Variants in KIAA1549L observed in about 807,000 individuals in gnomAD.
KIAA1549L encodes KIAA1549 like.
Under a neutral mutation model 160.7 loss-of-function variants are expected in KIAA1549L, and 88 were observed. That is an observed-to-expected ratio of 0.55 (90% CI 0.46 to 0.65). The LOEUF is 0.65. Ranked by LOEUF, KIAA1549L falls within the 30% of genes least tolerant of loss-of-function variation. KIAA1549L has a pLI of 0.00. For missense variants in KIAA1549L, 2,258 were observed against 2,437.5 expected (o/e 0.93, Z 1.55); for synonymous variants, 950 against 976.7 (o/e 0.97, Z 0.51).
chr11:33,527,189 G>A (rs189360277), intron 1 of KIAA1549L, among the ~76,000 whole-genome samples: 272 of 152,244 alleles, frequency 1.8e-3, no homozygotes, highest in Middle Eastern at 3.4e-3. Flanking sequence ...AAAATAATTC[G>A]TGTTCCCAAG....
chr11:33,444,914 C>T (rs1054150491), intron 1 of KIAA1549L, among the ~76,000 whole-genome samples: 3 of 152,206 alleles, frequency 2.0e-5, no homozygotes, highest in African/African-American at 7.2e-5. Flanking sequence ...GTACTCTCTT[C>T]TGCTCCTCTC....
chr11:33,583,303 C>G (rs1855702480), intron 10 of KIAA1549L, 35 bp from the exon 11 acceptor site: 1 of 1,567,696 alleles, frequency 6.4e-7, no homozygotes, highest in Non-Finnish European at 8.6e-7. Flanking sequence ...CCCAGTGTTG[C>G]TTGTCATGTC....
intron 19 of KIAA1549L, among the ~76,000 whole-genome samples, chr11:33,660,064 G>A (rs1484013714): frequency 6.6e-6 from 1 of 152,232 alleles, no homozygotes. Context: ...TCCCTCTTTA[G>A]GGGATGAGAA....
At position 33,673,002 on chromosome 11, in the gene KIAA1549L, A is replaced by C. The variant is rs919941114; in HGVS notation, c.*4848A>C. On this transcript the variant is annotated 3_prime_UTR_variant, in exon 21 of 21. Transcript: ENST00000658780. ...TTATTTTTTGGCTGTGACCTTCTGA[A>C]TATAATAACTTAGTGTCCTGAGAAT... The C allele has an allele frequency of 6.6e-6, 1 of 152,568 alleles. No homozygotes were observed. Among genetic ancestry groups the C allele is most frequent in the Admixed American group, 6.5e-5 (1 of 15,286 alleles). The allele number at this position is 152,568 out of a possible 1,614,324, so 9.5% of individuals were successfully genotyped here.
chr11:33,638,062 A>G (rs1851482286), intron 16 of KIAA1549L, among the ~76,000 whole-genome samples: 2 of 152,216 alleles, frequency 1.3e-5, no homozygotes, highest in South Asian at 4.1e-4. Context: ...TTCCCTGACC[A>G]TCCCCATCAA....
intron 16 of KIAA1549L, among the ~76,000 whole-genome samples, chr11:33,641,592 A>G (rs1433080188): frequency 6.5e-4 from 7 of 10,702 alleles, no homozygotes; most frequent in East Asian, 0.028. Flanking sequence ...ATATATATAT[A>G]TATATATATA....
intron 16 of KIAA1549L, among the ~76,000 whole-genome samples, chr11:33,638,423 A>AAATAAAT (rs1491116337): frequency 3.6e-4 from 3 of 8,444 alleles, no homozygotes; most frequent in African/African-American, 2.7e-3. Flanking sequence ...TAAAATAAAT[A>AAATAAAT]AAAAAAAAAA....
intron 1 of KIAA1549L, among the ~76,000 whole-genome samples, chr11:33,491,122 G>A (rs2133066940): frequency 6.6e-6 from 1 of 152,254 alleles, no homozygotes; most frequent in Non-Finnish European, 1.5e-5. Context: ...TTTATGTCTG[G>A]CTTAGTGCCT....
rs1260290463 is a variant in KIAA1549L at position 33,671,082 on chromosome 11, T to C, written c.*2928T>C. 30 of 152,194 alleles carry C rather than the reference T, an allele frequency of 2.0e-4. 1 individual carries two copies. The highest frequency in any genetic ancestry group is 2.0e-3 in the Admixed American group (30 of 15,276). The allele number at this position is 152,194 out of a possible 1,614,324, so 9.4% of individuals were successfully genotyped here. A position where few individuals can be genotyped will look rare whatever the true frequency, so the allele number is the denominator to read the frequency against. ...TATAACGAACTTCAGATACAGTGTA[T>C]AGAGGATGATGCATTTGTGGCATAA... is the stretch of plus-strand genomic sequence containing the variant. On this transcript the variant is annotated 3_prime_UTR_variant, in exon 21 of 21. Transcript: ENST00000658780.
At chr11:33,505,837 AT>A (rs1315898079) in intron 1 of KIAA1549L, among the ~76,000 whole-genome samples, 2 of 152,234 alleles carry the variant, frequency 1.3e-5, no homozygotes, top group Non-Finnish European at 2.9e-5. Flanking sequence ...GGACTTCAAA[AT>A]ATTTCAGTAG....
chr11:33,643,152 C>CT (rs1314559966), intron 16 of KIAA1549L, among the ~76,000 whole-genome samples: 3 of 152,286 alleles, frequency 2.0e-5, no homozygotes, highest in Non-Finnish European at 4.4e-5. Flanking sequence ...AATGGAAACC[C>CT]TGTGGGGGAA....
At chr11:33,427,914 A>C (rs1157340646) in intron 1 of KIAA1549L, among the ~76,000 whole-genome samples, 2 of 152,236 alleles carry the variant, frequency 1.3e-5, no homozygotes, top group African/African-American at 2.4e-5. Context: ...TAATGTTTGC[A>C]AGGTTCATCC....
chr11:33,415,428 G>A (rs1473684516), intron 1 of KIAA1549L, among the ~76,000 whole-genome samples: 1 of 152,092 alleles, frequency 6.6e-6, no homozygotes, highest in East Asian at 1.9e-4. Flanking sequence ...TACTGTCCCT[G>A]GGGAACATGC....
In KIAA1549L at chr11:33,552,595, C is replaced by T. The variant is rs137964995; in HGVS notation, c.3855+354C>T. On this transcript the variant is annotated intron_variant, in intron 6 of 20. Coordinates refer to ENST00000658780, the MANE Select transcript of KIAA1549L (RefSeq NM_012194.3). ...AGTAGCTAAGTCACCAAGATTTGCC[C>T]GTTCTGTGATTTTATGCATTGGCTT... 5.6e-4 allele frequency among the ~76,000 whole-genome samples: 85 copies of T among 151,152 alleles called. No homozygotes were observed. The East Asian group carries it at 0.012, about 21-fold the overall frequency.
At chr11:33,512,684 G>C (rs1853254237) in intron 1 of KIAA1549L, among the ~76,000 whole-genome samples, 1 of 152,198 alleles carries the variant, frequency 6.6e-6, no homozygotes, top group Non-Finnish European at 1.5e-5. Flanking sequence ...GCTTCCTGAA[G>C]TGCTGAGATT....
At chr11:33,489,790 A>C (rs1852614929) in intron 1 of KIAA1549L, among the ~76,000 whole-genome samples, 1 of 152,192 alleles carries the variant, frequency 6.6e-6, no homozygotes, top group African/African-American at 2.4e-5. Flanking sequence ...TGGAAAATGT[A>C]GTCTAGCTGT....
intron 1 of KIAA1549L, among the ~76,000 whole-genome samples, chr11:33,406,100 TG>T (rs1850645006): frequency 6.6e-6 from 1 of 152,156 alleles, no homozygotes; most frequent in Non-Finnish European, 1.5e-5. Flanking sequence ...GAATGAAAAA[TG>T]GCCACTGTGA....
intron 19 of KIAA1549L, 77 bp downstream of exon 19, chr11:33,658,975 A>T (rs1384883504): frequency 5.0e-6 from 7 of 1,411,846 alleles, no homozygotes; most frequent in Non-Finnish European, 6.7e-6. Flanking sequence ...CCCAGTTCCA[A>T]TCTCCTTTCT....
chr11:33,465,046 C>CTTTTTTTTTTTT (rs1008261470), intron 1 of KIAA1549L, among the ~76,000 whole-genome samples: 3 of 78,964 alleles, frequency 3.8e-5, no homozygotes, highest in African/African-American at 1.6e-4. Context: ...GGACCTTCTT[C>CTTTTTTTTTTTT]TTTTTTTTTT....
Sources: gnomAD v4.1 joint callset for allele counts (sites outside exome capture counted in the v4.1 genomes callset) on GRCh38, gnomAD v4.1.1 for gene constraint, MANE v1.5 for transcripts, NCBI Gene and HGNC (gene_info 2026-07-23, HGNC 2026-07-21) for gene names.